Variants in EOMES observed in about 807,000 individuals in gnomAD.
EOMES encodes eomesodermin.
EOMES carries 18 observed loss-of-function variants against 61.0 expected under a neutral mutation model. That is an observed-to-expected ratio of 0.30 (90% confidence interval 0.20 to 0.44). The LOEUF is 0.44. Ranked by LOEUF, EOMES falls within the 20% of genes least tolerant of loss-of-function variation. The pLI, the probability that EOMES is intolerant of heterozygous loss-of-function variation, is 1.00. For synonymous variants in EOMES, 430 were observed against 394.0 expected (o/e 1.09, Z -1.08); for missense variants, 885 against 939.2 (o/e 0.94, Z 0.75).
In EOMES at chr3:27,719,481, C is replaced by T; in HGVS notation, c.1037G>A (p.Gly346Asp). 2 of 1,612,298 alleles carry T rather than the reference C, an allele frequency of 1.2e-6. No homozygotes were observed. The highest frequency in any genetic ancestry group is 1.7e-6 in the Non-Finnish European group (2 of 1,179,266). The change falls in exon 3 of 6, where the codon GGC becomes GAC. Residue 346 changes from glycine to aspartate, a missense_variant and splice_region_variant. Physicochemically the swap from Gly to Asp is moderately conservative, Grantham distance 94. Transcript: ENST00000449599. ...CTCTGGGTGAACATACATTTTGTTG[C>T]CTAAGAGAAAATGAAACAAAACACA... ...TCGKADNNMQ[G>D]NKMYVHPESP...
At position 27,718,765 on chromosome 3, in the gene EOMES, G is replaced by A; in HGVS notation, c.1287C>T (p.Phe429=). The change falls in exon 4 of 6, where the codon TTC becomes TTT. Residue 429 remains phenylalanine (F), a synonymous_variant. Coordinates refer to ENST00000449599, the MANE Select transcript of EOMES (RefSeq NM_001278182.2). ...TQTFTFSETQ[F]IAVTAYQNTD... ...TGTTTTGGTAGGCAGTCACTGCAAT[G>A]AATTGCGTTTCTGAGAAGGTAAAAG... 1.9e-6 allele frequency: 3 copies of A among 1,614,194 alleles called. No homozygotes were observed. Among genetic ancestry groups the A allele is most frequent in the Non-Finnish European group, 2.5e-6 (3 of 1,180,020 alleles).
In EOMES at chr3:27,717,509, G is replaced by A. The variant is rs775595633; in HGVS notation, c.1679C>T (p.Thr560Ile). The stretch of plus-strand genomic sequence containing the variant: ...GCCATATGGGAGCAATGTGCTAGAA[G>A]TATATTCAGATTCATAGGAACTGAT... ...LDISSYESEY[T>I]SSTLLPYGIK... The change falls in exon 6 of 6, where the codon ACT becomes ATT. Residue 560 changes from threonine to isoleucine, a missense_variant. Thr to Ile is a moderately conservative substitution (Grantham distance 89). Around this residue, in one of 3 missense-constraint regions of EOMES, gnomAD observed 259 missense variants for 282.3 expected, o/e 0.92. Coordinates refer to ENST00000449599, the MANE Select transcript of EOMES (RefSeq NM_001278182.2). The surrounding 1 kb of genome is among the most constrained non-coding windows in gnomAD (Gnocchi z 4.5). 3.7e-6 allele frequency: 6 copies of A among 1,614,036 alleles called. No individual in the cohort carries two copies. The African/African-American group carries it at 8.0e-5, about 22-fold the overall frequency.
At chr3:27,722,669 C>G, upstream of EOMES, 17 of 1,032,252 alleles carry the variant, frequency 1.6e-5, no homozygotes, top group Non-Finnish European at 2.0e-5. Flanking sequence ...CCTTTCTGCC[C>G]TTTTTCAATT....
upstream of EOMES, chr3:27,722,692 G>C: frequency 9.9e-7 from 1 of 1,009,532 alleles, no homozygotes; most frequent in Non-Finnish European, 1.2e-6. Flanking sequence ...CAAAGCATCG[G>C]TCAAGTTGAC....
At position 27,721,635 on chromosome 3, in the gene EOMES, A is replaced by C. The variant is rs2060614248; in HGVS notation, c.660T>G (p.Gly220=). The C allele has an allele frequency of 6.5e-7, 1 of 1,541,178 alleles. No individual in the cohort carries two copies. Among genetic ancestry groups the C allele is most frequent in the African/African-American group, 1.4e-5 (1 of 72,906 alleles). Residue 220 remains glycine, a synonymous_variant, in exon 1 of 6, where the codon GGT becomes GGG. Coordinates refer to ENST00000449599, the MANE Select transcript of EOMES (RefSeq NM_001278182.2). The surrounding 1 kb of genome is among the most constrained non-coding windows in gnomAD (Gnocchi z 7.4). The part of the protein sequence containing the change: ...PGAGAGSGAG[G]SSGGGGGPGT... ...CCGGGCCGCCGCCCCCGCCGCTGCT[A>C]CCGCCCGCGCCACTGCCCGCACCGG...
Position 27,721,914 on chromosome 3 carries a change from C to G in EOMES, c.381G>C (p.Ala127=), listed in dbSNP as rs867772691. 2.6e-6 allele frequency: 3 copies of G among 1,152,646 alleles called. No homozygotes were observed. Among genetic ancestry groups the G allele is most frequent in the Admixed American group, 5.0e-5 (1 of 19,884 alleles). 71.4% of individuals were successfully genotyped at this position (1,152,646 alleles called of 1,614,324 possible). The change falls in exon 1 of 6, where the codon GCG becomes GCC. Residue 127 remains alanine, a synonymous_variant. Coordinates refer to ENST00000449599, the MANE Select transcript of EOMES (RefSeq NM_001278182.2). The surrounding 1 kb of genome is among the most constrained non-coding windows in gnomAD (Gnocchi z 7.4). Reference sequence around the variant, plus strand: ...TGGAGTAGCGCGCAGTGGCCGCAGCCGCGGCGGCGGCGGCGGCGGCGGCTG... The same window carrying G: ...TGGAGTAGCGCGCAGTGGCCGCAGCGGCGGCGGCGGCGGCGGCGGCGGCTG... ...AAAAAAAAAA[A]AAATARYSMD... is the part of the protein sequence containing the mutation.
In EOMES at chr3:27,721,551, C is replaced by T; in HGVS notation, c.744G>A (p.Ala248=). ...CCCCCAGTCCTCCGCAAGATCCCGC[C>T]GCTGCGGCTCCAGGGTACGGCCCGT... ...PLYGPYPGAA[A]AGSCGGLGGL... is the part of the protein sequence containing the mutation. Residue 248 remains alanine (A), a synonymous_variant, in exon 1 of 6, where the codon GCG becomes GCA. Coordinates refer to ENST00000449599, the MANE Select transcript of EOMES (RefSeq NM_001278182.2). The surrounding 1 kb of genome is among the most constrained non-coding windows in gnomAD (Gnocchi z 7.4). The T allele has an allele frequency of 1.2e-6, 2 of 1,606,264 alleles. No individual in the cohort carries two copies. Among genetic ancestry groups the T allele is most frequent in the Non-Finnish European group, 8.5e-7 (1 of 1,176,962 alleles).
Position 27,722,313 on chromosome 3 carries a change from G to T in EOMES, c.-19C>A. 1.3e-6 allele frequency: 2 copies of T among 1,525,458 alleles called. No individual in the cohort carries two copies. 94.5% of individuals were successfully genotyped at this position (1,525,458 alleles called of 1,614,324 possible). On this transcript the variant is annotated 5_prime_UTR_variant, in exon 1 of 6. Transcript: ENST00000449599. ...ACTGCATGCTTTGCAAAGCGCAGAC[G>T]GCAGCTGGCTGCTTCCTCTCCTCCG... is the stretch of plus-strand genomic sequence containing the variant.
At position 27,721,953 on chromosome 3, in the gene EOMES, C is replaced by T. The variant is rs756820264; in HGVS notation, c.342G>A (p.Leu114=). ...RKGSPCGEEE[L]PSAAAAAAAA... ...CGGCGGCGGCTGCAGCGGCGGAGGG[C>T]AGCTCCTCCTCCCCGCAGGGGGAGC... is the stretch of plus-strand genomic sequence containing the variant. Residue 114 remains leucine, a synonymous_variant, in exon 1 of 6, where the codon CTG becomes CTA. Coordinates refer to ENST00000449599, the MANE Select transcript of EOMES (RefSeq NM_001278182.2). This position sits in a 1 kb window ranked among gnomAD's most constrained non-coding sequence, Gnocchi z 7.4. 9 of 1,415,278 alleles carry T rather than the reference C, an allele frequency of 6.4e-6. No homozygotes were observed. Among genetic ancestry groups the T allele is most frequent in the Non-Finnish European group, 7.3e-6 (8 of 1,095,378 alleles). 87.7% of individuals were successfully genotyped at this position (1,415,278 alleles called of 1,614,324 possible). A position where few individuals can be genotyped will look rare whatever the true frequency, so the allele number is the denominator to read the frequency against.
intron 5 of EOMES, 42 bp downstream of exon 5, chr3:27,718,545 C>A: frequency 7.2e-7 from 1 of 1,380,464 alleles, no homozygotes; most frequent in African/African-American, 1.4e-5. Flanking sequence ...GTATGTCCTG[C>A]TCAGAGATGA....
chr3:27,720,131 C>G, intron 2 of EOMES, 40 bp downstream of exon 2: 5 of 1,519,102 alleles, frequency 3.3e-6, no homozygotes, highest in Non-Finnish European at 4.4e-6. Context: ...CGATTTCTTC[C>G]CGCCCGTTCC....
Position 27,717,829 on chromosome 3 carries a change from C to CT in EOMES, c.1380-22dup. On this transcript the variant is annotated intron_variant, in intron 5 of 5. Coordinates refer to ENST00000449599, the MANE Select transcript of EOMES (RefSeq NM_001278182.2). The surrounding 1 kb of genome is among the most constrained non-coding windows in gnomAD (Gnocchi z 4.5). ...ACATGCTACAATATAAAGAGAAACA[C>CT]TTAAAAAAAAAAAAAAACCCTAATG... 1 of 1,229,380 alleles carries CT rather than the reference C, an allele frequency of 8.1e-7. No individual in the cohort carries two copies. The highest frequency in any genetic ancestry group is 2.6e-5 in the East Asian group (1 of 37,754). The allele number at this position is 1,229,380 out of a possible 1,614,324, so 76.2% of individuals were successfully genotyped here.
At position 27,716,960 on chromosome 3, in the gene EOMES, C is replaced by T; in HGVS notation, c.*110G>A. On this transcript the variant is annotated 3_prime_UTR_variant, in exon 6 of 6. Coordinates refer to ENST00000449599, the MANE Select transcript of EOMES (RefSeq NM_001278182.2). ...GAGAATTGCACAAAACAGGATGCAT[C>T]AAGGTGGAAGGCAAACATCTTTTTG... The T allele has an allele frequency of 2.6e-6, 2 of 783,860 alleles. No homozygotes were observed. Among genetic ancestry groups the T allele is most frequent in the Non-Finnish European group, 4.1e-6 (2 of 483,078 alleles). 48.6% of individuals were successfully genotyped at this position (783,860 alleles called of 1,614,324 possible).
chr3:27,716,975 A>G lies in EOMES; in HGVS notation c.*95T>C. 1.1e-6 allele frequency: 1 copy of G among 943,496 alleles called. No homozygotes were observed. The highest frequency in any genetic ancestry group is 1.6e-6 in the Non-Finnish European group (1 of 623,500). The allele number at this position is 943,496 out of a possible 1,614,324, so 58.4% of individuals were successfully genotyped here. A position where few individuals can be genotyped will look rare whatever the true frequency, so the allele number is the denominator to read the frequency against. On this transcript the variant is annotated 3_prime_UTR_variant, in exon 6 of 6. Transcript: ENST00000449599. Reference sequence around the variant, plus strand: ...CAGGATGCATCAAGGTGGAAGGCAAACATCTTTTTGGCAACCTAGGCAAAG... The same window carrying G: ...CAGGATGCATCAAGGTGGAAGGCAAGCATCTTTTTGGCAACCTAGGCAAAG...
chr3:27,722,577 C>T (rs1239617685), upstream of EOMES: 1 of 1,236,182 alleles, frequency 8.1e-7, no homozygotes, highest in Non-Finnish European at 1.0e-6. Flanking sequence ...TCTTGCTCCT[C>T]AGGACCCCCA....
At position 27,718,813 on chromosome 3, in the gene EOMES, C is replaced by G. The variant is rs759791133; in HGVS notation, c.1239G>C (p.Leu413Phe). 1 of 1,613,920 alleles carries G rather than the reference C, an allele frequency of 6.2e-7. No homozygotes were observed. The highest frequency in any genetic ancestry group is 1.1e-5 in the South Asian group (1 of 91,072). Residue 413 changes from leucine to phenylalanine, a missense_variant, in exon 4 of 6, where the codon TTG becomes TTC. Physicochemically the swap from Leu to Phe is conservative, Grantham distance 22 (BLOSUM62 0). Coordinates refer to ENST00000449599, the MANE Select transcript of EOMES (RefSeq NM_001278182.2). Reference protein sequence around the residue: ...VEVTEDGVEDLNEPSKTQTFT... With the variant: ...VEVTEDGVEDFNEPSKTQTFT... ...AAGTCTGGGTCTTTGAGGGCTCATT[C>G]AAGTCCTCCACGCCATCCTCTGTAA... is the stretch of plus-strand genomic sequence containing the variant.
Position 27,721,914 on chromosome 3 carries a change from CGCGGCGGCGGCGGCG to C in EOMES, c.366_380del (p.Ala126_Ala130del), listed in dbSNP as rs3062761. 1 of 1,152,632 alleles carries C rather than the reference CGCGGCGGCGGCGGCG, an allele frequency of 8.7e-7. No homozygotes were observed. Among genetic ancestry groups the C allele is most frequent in the Non-Finnish European group, 1.1e-6 (1 of 889,440 alleles). The allele number at this position is 1,152,632 out of a possible 1,614,324, so 71.4% of individuals were successfully genotyped here. A position where few individuals can be genotyped will look rare whatever the true frequency, so the allele number is the denominator to read the frequency against. On this transcript the variant is annotated inframe_deletion, in exon 1 of 6. Transcript: ENST00000449599. This position sits in a 1 kb window ranked among gnomAD's most constrained non-coding sequence, Gnocchi z 7.4. ...TGGAGTAGCGCGCAGTGGCCGCAGCCGCGGCGGCGGCGGCGGCGGCGGCTGCAGCGGCGGAGGGCA... is the reference window on the plus strand; with the variant it reads ...TGGAGTAGCGCGCAGTGGCCGCAGCCGCGGCGGCTGCAGCGGCGGAGGGCA...
At position 27,721,387 on chromosome 3, in the gene EOMES, C is replaced by T. The variant is rs768449115; in HGVS notation, c.881+27G>A. ...CACACGTCACCCTTTATCCCCGAAC[C>T]CAGGGGCCCCTCCACGCTGCGCTCA... On this transcript the variant is annotated intron_variant, in intron 1 of 5. Transcript: ENST00000449599. The surrounding 1 kb of genome is among the most constrained non-coding windows in gnomAD (Gnocchi z 7.4). 1.7e-5 allele frequency: 27 copies of T among 1,584,622 alleles called. No homozygotes were observed. In the African/African-American group the frequency reaches 3.1e-4, roughly 18 times the overall value.
chr3:27,721,733 C>T lies in EOMES; in HGVS notation c.562G>A (p.Gly188Ser), dbSNP rs991442545. 4.0e-6 allele frequency: 6 copies of T among 1,486,150 alleles called. No homozygotes were observed. Among genetic ancestry groups the T allele is most frequent in the Non-Finnish European group, 5.3e-6 (6 of 1,129,216 alleles). 92.1% of individuals were successfully genotyped at this position (1,486,150 alleles called of 1,614,324 possible). ...PAPNGARYPY[G>S]SMLPPGGFPA... ...AAGCCGCCGGGGGGCAGCATGGAGC[C>T]GTAGGGGTAGCGCGCCCCGTTAGGA... Residue 188 changes from glycine (G) to serine (S), a missense_variant, in exon 1 of 6, where the codon GGC becomes AGC. By Grantham distance (56) the Gly-to-Ser change is moderately conservative. Around this residue, in one of 3 missense-constraint regions of EOMES, gnomAD observed 449 missense variants for 383.6 expected, o/e 1.17. Coordinates refer to ENST00000449599, the MANE Select transcript of EOMES (RefSeq NM_001278182.2). The surrounding 1 kb of genome is among the most constrained non-coding windows in gnomAD (Gnocchi z 7.4).
Sources: gnomAD v4.1 joint callset for allele counts on GRCh38, gnomAD v4.1.1 for gene constraint, gnomAD v4.1.1 regional missense constraint, Gnocchi (gnomAD v3.1) non-coding constraint, MANE v1.5 for transcripts, NCBI Gene and HGNC (gene_info 2026-07-23, HGNC 2026-07-21) for gene names.